NID1: variants seen among roughly 807,000 people sequenced by gnomAD.
NID1 encodes the protein nidogen 1.
NID1 carries 76 observed loss-of-function variants against 130.6 expected under a neutral mutation model. The ratio of observed to expected loss-of-function variants is 0.58; its 90% CI spans 0.48 to 0.70. The LOEUF (loss-of-function observed/expected upper bound fraction) is 0.70, where lower values mean the gene tolerates loss of function less well. Among genes scored for constraint, NID1 ranks in the 30% least tolerant of loss-of-function variants. The probability of loss-of-function intolerance (pLI) is 0.00; values close to 1 mark genes in which losing one functional copy is unlikely to be tolerated. For missense variants in NID1, 1,517 were observed against 1,664.8 expected, an observed-to-expected ratio of 0.91 and a Z score of 1.54; for synonymous variants, 665 against 675.1, an observed-to-expected ratio of 0.98 and a Z score of 0.23.
In NID1 at chr1:235,988,250, A is replaced by G. The variant is rs114003607; in HGVS notation, c.2928+2636T>C. ...AAAGGATTTAAGTAGACATTTCTCC[A>G]AAGAAGATATACAAGCGGCCAATAA... On this transcript the variant is annotated intron_variant, in intron 14 of 19. Coordinates refer to ENST00000264187, the MANE Select transcript of NID1 (RefSeq NM_002508.3). 3.3e-3 allele frequency among the ~76,000 whole-genome samples: 507 copies of G among 152,378 alleles called. 3 individuals carry two copies. The highest frequency in any genetic ancestry group is 0.012 in the African/African-American group (481 of 41,598).
chr1:235,986,653 C>T (rs948262409), intron 14 of NID1, among the ~76,000 whole-genome samples: 6 of 152,102 alleles, frequency 3.9e-5, no homozygotes, highest in Non-Finnish European at 1.5e-5. Flanking sequence ...GTAGAGACAG[C>T]GTCTCACTAT....
chr1:236,042,020 G>A lies in NID1; in HGVS notation c.1025C>T (p.Pro342Leu). Residue 342 changes from proline (P) to leucine (L), a missense_variant, in exon 4 of 20, where the codon CCC (proline) becomes CTC (leucine). This residue lies in a region of NID1 where 1,329 missense variants were observed against 1,429.2 expected (regional missense o/e 0.93). Coordinates refer to ENST00000264187, the MANE Select transcript of NID1 (RefSeq NM_002508.3). Reference sequence around the variant, plus strand: ...GGTTCTCTCTGTGGGAGGTCCAAGGGGCCTTTCGGTAGCTGCCCGGCGCGG... The same window carrying A: ...GGTTCTCTCTGTGGGAGGTCCAAGGAGCCTTTCGGTAGCTGCCCGGCGCGG... ...LSPRRAATERPLGPPTERTRS... is the reference protein window; with the variant it reads ...LSPRRAATERLLGPPTERTRS... The A allele has an allele frequency of 6.2e-7, 1 of 1,614,136 alleles. No homozygotes were observed. The highest frequency in any genetic ancestry group is 8.5e-7 in the Non-Finnish European group (1 of 1,180,034).
Position 236,032,303 on chromosome 1 carries a change from G to C in NID1, c.1537+98C>G, listed in dbSNP as rs1028355729. 39 of 1,458,776 alleles carry C rather than the reference G, an allele frequency of 2.7e-5. No homozygotes were observed. The Admixed American group carries it at 2.8e-4, about 10-fold the overall frequency. The allele number at this position is 1,458,776 out of a possible 1,614,324, so 90.4% of individuals were successfully genotyped here. A position where few individuals can be genotyped will look rare whatever the true frequency, so the allele number is the denominator to read the frequency against. On this transcript the variant is annotated intron_variant, in intron 6 of 19. Coordinates refer to ENST00000264187, the MANE Select transcript of NID1 (RefSeq NM_002508.3). ...AAAAGGAGCAACAACATGCTTCTAA[G>C]TTGTCTGCAGACTCAGAGTTCTCCT...
intron 9 of NID1, among the ~76,000 whole-genome samples, chr1:236,020,064 AC>A (rs75513189): frequency 0.13 from 19,009 of 145,972 alleles, 1,892 homozygotes; most frequent in East Asian, 0.27. Flanking sequence ...AAAAACAAAA[AC>A]AAACTTCTTT....
At chr1:236,044,614 G>A (rs1414101992) in intron 3 of NID1, among the ~76,000 whole-genome samples, 3 of 152,150 alleles carry the variant, frequency 2.0e-5, no homozygotes, top group Non-Finnish European at 4.4e-5. Flanking sequence ...ACTAAGTGAA[G>A]GGCAGAGGAA....
In NID1 at chr1:236,064,651, G is replaced by C. The variant is rs113035782; in HGVS notation, c.225+204C>G. Reference sequence around the variant, plus strand: ...GCGCGCGGAGCCACCCAGACCCCGCGACCCGCTCTTCGGATAGCAGGGACC... The same window carrying C: ...GCGCGCGGAGCCACCCAGACCCCGCCACCCGCTCTTCGGATAGCAGGGACC... On this transcript the variant is annotated intron_variant, in intron 1 of 19. Transcript: ENST00000264187. 56 of 618,680 alleles carry C rather than the reference G, an allele frequency of 9.1e-5. No individual in the cohort carries two copies. In the African/African-American group the frequency reaches 9.5e-4, roughly 10 times the overall value. 38.3% of individuals were successfully genotyped at this position (618,680 alleles called of 1,614,324 possible).
intron 12 of NID1, among the ~76,000 whole-genome samples, chr1:236,001,183 G>T (rs1035573993): frequency 6.7e-6 from 1 of 148,814 alleles, no homozygotes; most frequent in Non-Finnish European, 1.5e-5. Flanking sequence ...TCAGCTTACC[G>T]CAACCTCTGC....
Position 236,024,041 on chromosome 1 carries a change from C to T in NID1, c.2128+29G>A, listed in dbSNP as rs749480632. 6 of 1,610,704 alleles carry T rather than the reference C, an allele frequency of 3.7e-6. No individual in the cohort carries two copies. In the East Asian group the frequency reaches 1.1e-4, roughly 30 times the overall value. ...GCCTCCTCCTCGCCTGATTTCCCAG[C>T]CCCAACAAGTCAGAATCAAAGGCTG... On this transcript the variant is annotated intron_variant, in intron 9 of 19. Coordinates refer to ENST00000264187, the MANE Select transcript of NID1 (RefSeq NM_002508.3).
chr1:235,990,899 A>G lies in NID1; in HGVS notation c.2915T>C (p.Phe972Ser). ...NTMRKTEAKA[F>S]LHVPAKVIIG... ...GCCAGCACTCACCGGGACATGAAGG[A>G]ACGCCTTTGCTTCTGTCTTCCTCAT... Residue 972 changes from phenylalanine to serine, a missense_variant, in exon 14 of 20, where the codon TTC becomes TCC. Physicochemically the swap from Phe to Ser is radical, Grantham distance 155. This residue lies in a region of NID1 where 1,329 missense variants were observed against 1,429.2 expected (regional missense o/e 0.93). Coordinates refer to ENST00000264187, the MANE Select transcript of NID1 (RefSeq NM_002508.3). 1 of 1,614,096 alleles carries G rather than the reference A, an allele frequency of 6.2e-7. No homozygotes were observed. Among genetic ancestry groups the G allele is most frequent in the Non-Finnish European group, 8.5e-7 (1 of 1,180,004 alleles).
chr1:236,027,554 C>A (rs1430498593), intron 7 of NID1, among the ~76,000 whole-genome samples: 4 of 152,206 alleles, frequency 2.6e-5, no homozygotes, highest in Non-Finnish European at 5.9e-5. Flanking sequence ...GGTGGCCAGG[C>A]ACGATGGCTC....
At chr1:236,021,632 G>A (rs1658768966) in intron 9 of NID1, among the ~76,000 whole-genome samples, 1 of 152,104 alleles carries the variant, frequency 6.6e-6, no homozygotes, top group South Asian at 2.1e-4. Context: ...TTATATCTCT[G>A]TCAAGCAGGG....
In NID1 at chr1:235,977,387, T is replaced by A. The variant is rs1657292168; in HGVS notation, c.*480A>T. Reference sequence around the variant, plus strand: ...AAATTCAGAGCACCAAAACAAAACATTAAGGAATGCTAATTTCCTCCTTAA... The same window carrying A: ...AAATTCAGAGCACCAAAACAAAACAATAAGGAATGCTAATTTCCTCCTTAA... On this transcript the variant is annotated 3_prime_UTR_variant, in exon 20 of 20. Coordinates refer to ENST00000264187, the MANE Select transcript of NID1 (RefSeq NM_002508.3). The A allele has an allele frequency of 6.4e-6, 1 of 157,108 alleles. No homozygotes were observed. The allele number at this position is 157,108 out of a possible 1,614,324, so 9.7% of individuals were successfully genotyped here.
chr1:236,024,370 C>T (rs1224510479), intron 8 of NID1, among the ~76,000 whole-genome samples, 157 bp from the exon 9 acceptor site: 2 of 152,282 alleles, frequency 1.3e-5, no homozygotes, highest in Non-Finnish European at 2.9e-5. Context: ...TGCCCTGGGG[C>T]AGGACCAGCA....
intron 12 of NID1, among the ~76,000 whole-genome samples, chr1:235,995,758 C>T (rs1657901708): frequency 6.6e-6 from 1 of 152,236 alleles, no homozygotes; most frequent in Non-Finnish European, 1.5e-5. Flanking sequence ...CCTCTGTGAG[C>T]TCTCAGGGTG....
At chr1:235,981,072 C>T (rs1255673060) in intron 16 of NID1, among the ~76,000 whole-genome samples, 1 of 152,164 alleles carries the variant, frequency 6.6e-6, no homozygotes, top group Admixed American at 6.5e-5. Context: ...TACCTGCCTT[C>T]AAGGAGGAGG....
chr1:236,028,795 G>A (rs1057016844), intron 7 of NID1, among the ~76,000 whole-genome samples: 2 of 151,954 alleles, frequency 1.3e-5, no homozygotes, highest in African/African-American at 4.8e-5. Flanking sequence ...GTATGTGAAC[G>A]TTTTTTGGGC....
intron 12 of NID1, among the ~76,000 whole-genome samples, chr1:236,007,753 C>T (rs1188899112): frequency 1.3e-5 from 2 of 152,124 alleles, no homozygotes; most frequent in Non-Finnish European, 2.9e-5. Context: ...ACCACAGCCC[C>T]GACTAATGTC....
rs1279836075 is a variant in NID1 at position 236,063,828 on chromosome 1, C to T, written c.225+1027G>A. Among the ~76,000 whole-genome samples the T allele has an allele frequency of 2.6e-5, 4 of 152,344 alleles. 1 individual carries two copies. The East Asian group carries it at 7.7e-4, about 29-fold the overall frequency. On this transcript the variant is annotated intron_variant, in intron 1 of 19. Coordinates refer to ENST00000264187, the MANE Select transcript of NID1 (RefSeq NM_002508.3). ...AAGCGTTATACTGAAAAGGGATCCA[C>T]AGGCTTCACCAGTGTGCAAAGGGGC... is the stretch of plus-strand genomic sequence containing the variant.
At chr1:236,003,789 G>GA (rs1254256936) in intron 12 of NID1, among the ~76,000 whole-genome samples, 1 of 152,182 alleles carries the variant, frequency 6.6e-6, no homozygotes, top group Non-Finnish European at 1.5e-5. Flanking sequence ...AGGATTGCTT[G>GA]AACCCGGGAG....
Sources: gnomAD v4.1 joint callset for allele counts (sites outside exome capture counted in the v4.1 genomes callset) on GRCh38, gnomAD v4.1.1 for gene constraint, gnomAD v4.1.1 regional missense constraint, MANE v1.5 for transcripts, NCBI Gene and HGNC (gene_info 2026-07-23, HGNC 2026-07-21) for gene names.